Variants in ZKSCAN4 observed in about 807,000 individuals in gnomAD.
ZKSCAN4 encodes the protein zinc finger protein with KRAB and SCAN domains 4.
Under a neutral mutation model 30.8 loss-of-function variants are expected in ZKSCAN4, and 23 were observed. The observed-to-expected ratio is 0.75, with a 90% CI of 0.54 to 1.06. The LOEUF is 1.06. ZKSCAN4 is among the 50% of genes least tolerant of loss of function. ZKSCAN4 has a pLI of 0.00. For synonymous variants in ZKSCAN4, 208 were observed against 252.5 expected (o/e 0.82, Z 1.67); for missense variants, 556 against 665.4 (o/e 0.84, Z 1.81).
At chr6:28,258,212 C>G in the ZKSCAN4 span, among the ~76,000 whole-genome samples, 2 of 152,116 alleles carry the variant, frequency 1.3e-5, no homozygotes, top group African/African-American at 4.8e-5. Context: ...AAGTTTTGAC[C>G]TGGCTGTCAA....
intron 1 of ZKSCAN4, among the ~76,000 whole-genome samples, chr6:28,250,976 A>G (rs1231527802): frequency 6.6e-6 from 1 of 152,224 alleles, no homozygotes; most frequent in Non-Finnish European, 1.5e-5. Flanking sequence ...GGAGGTAAAA[A>G]TAGGCCCACT....
At chr6:28,246,094 A>G in intron 4 of ZKSCAN4, 119 bp from the exon 5 acceptor site, 1 of 1,358,042 alleles carries the variant, frequency 7.4e-7, no homozygotes, top group Non-Finnish European at 1.0e-6. Context: ...ATGAGGATTT[A>G]AGTGCTAGAA....
intron 4 of ZKSCAN4, 30 bp from the exon 5 acceptor site, chr6:28,246,005 GT>G (rs764203495): frequency 6.2e-7 from 1 of 1,614,094 alleles, no homozygotes; most frequent in East Asian, 2.2e-5. Context: ...GCAACTGTGG[GT>G]TATGCCCTGC....
At chr6:28,253,399 C>T (rs145027536), upstream of ZKSCAN4, among the ~76,000 whole-genome samples, 11 of 152,248 alleles carry the variant, frequency 7.2e-5, no homozygotes, top group East Asian at 1.9e-3. This position sits in a 1 kb window ranked among gnomAD's most constrained non-coding sequence, Gnocchi z 4.2. Flanking sequence ...AATAACATAA[C>T]TTAAGAAAAT....
chr6:28,253,748 A>G (rs1056573774), upstream of ZKSCAN4, among the ~76,000 whole-genome samples: 8 of 152,144 alleles, frequency 5.3e-5, no homozygotes, highest in African/African-American at 1.9e-4. This position sits in a 1 kb window ranked among gnomAD's most constrained non-coding sequence, Gnocchi z 4.2. Flanking sequence ...TGTGTCACCC[A>G]GGGCTGGAGT....
chr6:28,246,847 T>G lies in ZKSCAN4; in HGVS notation c.778+122A>C, dbSNP rs1406308228. The G allele has an allele frequency of 2.4e-6, 3 of 1,235,320 alleles. No homozygotes were observed. The African/African-American group carries it at 4.6e-5, about 19-fold the overall frequency. 76.5% of individuals were successfully genotyped at this position (1,235,320 alleles called of 1,614,324 possible). On this transcript the variant is annotated intron_variant, in intron 4 of 4. Coordinates refer to ENST00000377294, the MANE Select transcript of ZKSCAN4 (RefSeq NM_019110.5). Reference sequence around the variant, plus strand: ...AGGAGCTAGTAGTCAGTAACAGGCTTTCAGGAATGGTGATTCTGAATCCAA... The same window carrying G: ...AGGAGCTAGTAGTCAGTAACAGGCTGTCAGGAATGGTGATTCTGAATCCAA...
At chr6:28,253,626 C>A (rs559283953), upstream of ZKSCAN4, among the ~76,000 whole-genome samples, 2 of 152,188 alleles carry the variant, frequency 1.3e-5, no homozygotes, top group African/African-American at 4.8e-5. The surrounding 1 kb of genome is among the most constrained non-coding windows in gnomAD (Gnocchi z 4.2). Flanking sequence ...TTTAAAACAT[C>A]CTGATACCTA....
upstream of ZKSCAN4, among the ~76,000 whole-genome samples, chr6:28,252,500 T>C (rs1287027339): frequency 3.9e-5 from 6 of 152,050 alleles, no homozygotes; most frequent in African/African-American, 1.4e-4. Context: ...TTCTTTCCTA[T>C]GTAAAGCTTG....
upstream of ZKSCAN4, among the ~76,000 whole-genome samples, chr6:28,255,317 T>G (rs1156729295): frequency 6.6e-6 from 1 of 152,236 alleles, no homozygotes; most frequent in African/African-American, 2.4e-5. Flanking sequence ...TGCTGCTTTT[T>G]ATAGCTTTCT....
Position 28,249,971 on chromosome 6 carries a change from A to G in ZKSCAN4, c.424-137T>C. ...AATATAGATAACAACCCTGTGAGCT[A>G]TTATTTTGGATTTTTATGATAAGTT... is the stretch of plus-strand genomic sequence containing the variant. On this transcript the variant is annotated intron_variant, in intron 1 of 4. Coordinates refer to ENST00000377294, the MANE Select transcript of ZKSCAN4 (RefSeq NM_019110.5). The surrounding 1 kb of genome is among the most constrained non-coding windows in gnomAD (Gnocchi z 4.1). 1.0e-6 allele frequency: 1 copy of G among 1,002,764 alleles called. No individual in the cohort carries two copies. The highest frequency in any genetic ancestry group is 1.4e-6 in the Non-Finnish European group (1 of 702,962). The allele number at this position is 1,002,764 out of a possible 1,614,324, so 62.1% of individuals were successfully genotyped here.
chr6:28,251,474 C>T lies in ZKSCAN4; in HGVS notation c.423+84G>A. ...AAAAAGAGATGAAGAACTCCTGGACCTTAAAGGAATGCCCCTCGCTCCGAT... is the reference window on the plus strand; with the variant it reads ...AAAAAGAGATGAAGAACTCCTGGACTTTAAAGGAATGCCCCTCGCTCCGAT... On this transcript the variant is annotated intron_variant, in intron 1 of 4. Coordinates refer to ENST00000377294, the MANE Select transcript of ZKSCAN4 (RefSeq NM_019110.5). This position sits in a 1 kb window ranked among gnomAD's most constrained non-coding sequence, Gnocchi z 4.5. The T allele has an allele frequency of 6.2e-7, 1 of 1,608,240 alleles. No individual in the cohort carries two copies.
chr6:28,249,259 C>G lies in ZKSCAN4; in HGVS notation c.571+428G>C, dbSNP rs1015407610. Among the ~76,000 whole-genome samples, 1 of 152,130 alleles carries G rather than the reference C, an allele frequency of 6.6e-6. No individual in the cohort carries two copies. Among genetic ancestry groups the G allele is most frequent in the African/African-American group, 2.4e-5 (1 of 41,426 alleles). On this transcript the variant is annotated intron_variant, in intron 2 of 4. Transcript: ENST00000377294. The surrounding 1 kb of genome is among the most constrained non-coding windows in gnomAD (Gnocchi z 4.1). ...TTCTGGCTGGCTTTACAAATTCTGC[C>G]TTATTTTCTTCATAGCACTTAACAA...
At chr6:28,253,561 ATAAGT>A (rs1456820093), upstream of ZKSCAN4, among the ~76,000 whole-genome samples, 3 of 152,246 alleles carry the variant, frequency 2.0e-5, no homozygotes, top group Non-Finnish European at 2.9e-5. The surrounding 1 kb of genome is among the most constrained non-coding windows in gnomAD (Gnocchi z 4.2). Flanking sequence ...ATTTACAGAA[ATAAGT>A]TAAGTTAGCA....
At chr6:28,255,810 G>A (rs547468804), upstream of ZKSCAN4, among the ~76,000 whole-genome samples, 1 of 151,838 alleles carries the variant, frequency 6.6e-6, no homozygotes, top group Non-Finnish European at 1.5e-5. Context: ...TTTGGGCCCT[G>A]GGGGGTAAAG....
chr6:28,251,579 C>G lies in ZKSCAN4; in HGVS notation c.402G>C (p.Gln134His). 1 of 1,614,218 alleles carries G rather than the reference C, an allele frequency of 6.2e-7. No homozygotes were observed. Among genetic ancestry groups the G allele is most frequent in the Non-Finnish European group, 8.5e-7 (1 of 1,180,048 alleles). Reference sequence around the variant, plus strand: ...CTACCTGCGGCGCCGGCTCATCCAGCTGCCTCTCCAAATACTCCAATAGCA... The same window carrying G: ...CTACCTGCGGCGCCGGCTCATCCAGGTGCCTCTCCAAATACTCCAATAGCA... ...VVVLLEYLER[Q>H]LDEPAPQVPV... Residue 134 changes from glutamine (Q) to histidine (H), a missense_variant, in exon 1 of 5, where the codon CAG becomes CAC. Transcript: ENST00000377294. This position sits in a 1 kb window ranked among gnomAD's most constrained non-coding sequence, Gnocchi z 4.5.
Position 28,249,911 on chromosome 6 carries a change from A to C in ZKSCAN4, c.424-77T>G. 1 of 1,502,018 alleles carries C rather than the reference A, an allele frequency of 6.7e-7. No homozygotes were observed. The highest frequency in any genetic ancestry group is 1.2e-5 in the South Asian group (1 of 86,510). 93.0% of individuals were successfully genotyped at this position (1,502,018 alleles called of 1,614,324 possible). ...TGCAAGTGATTTCTATTTTCTAGGC[A>C]CTGTTTCTACAAGCCTTATGATATT... On this transcript the variant is annotated intron_variant, in intron 1 of 4. Coordinates refer to ENST00000377294, the MANE Select transcript of ZKSCAN4 (RefSeq NM_019110.5). This position sits in a 1 kb window ranked among gnomAD's most constrained non-coding sequence, Gnocchi z 4.1.
chr6:28,256,069 A>T (rs1761166263), upstream of ZKSCAN4, among the ~76,000 whole-genome samples: 3 of 152,214 alleles, frequency 2.0e-5, no homozygotes, highest in Admixed American at 1.3e-4. Flanking sequence ...ACAACTAGTG[A>T]ATCTAGGTAA....
chr6:28,245,839 G>A lies in ZKSCAN4; in HGVS notation c.915C>T (p.Gly305=). 2 of 1,614,122 alleles carry A rather than the reference G, an allele frequency of 1.2e-6. No homozygotes were observed. The highest frequency in any genetic ancestry group is 1.7e-6 in the Non-Finnish European group (2 of 1,180,028). ...PTHAEAGEQE[G]RLQRKQKNAI... ...CATTTTTCTGCTTTCTTTGTAACCT[G>A]CCCTCCTGTTCACCAGCTTCTGCAT... The change falls in exon 5 of 5, where the codon GGC becomes GGT. Residue 305 remains glycine (G), a synonymous_variant. Coordinates refer to ENST00000377294, the MANE Select transcript of ZKSCAN4 (RefSeq NM_019110.5).
Position 28,252,151 on chromosome 6 carries a change from C to T in ZKSCAN4, c.-171G>A. The T allele has an allele frequency of 1.7e-6, 1 of 577,914 alleles. No individual in the cohort carries two copies. Among genetic ancestry groups the T allele is most frequent in the Non-Finnish European group, 2.8e-6 (1 of 356,020 alleles). The allele number at this position is 577,914 out of a possible 1,614,324, so 35.8% of individuals were successfully genotyped here. A position where few individuals can be genotyped will look rare whatever the true frequency, so the allele number is the denominator to read the frequency against. On this transcript the variant is annotated 5_prime_UTR_variant, in exon 1 of 5. Transcript: ENST00000377294. ...CAGCTGCACAGATCTCTCTTATAGT[C>T]CGTGCCTTTGCAGGGTCGTCCTCTG...
Sources: allele counts gnomAD v4.1 joint callset (sites outside exome capture counted in the v4.1 genomes callset), GRCh38; gene constraint gnomAD v4.1.1; non-coding constraint Gnocchi (gnomAD v3.1); transcripts MANE v1.5; gene names NCBI Gene and HGNC (gene_info 2026-07-23, HGNC 2026-07-21).